The following CAST variants were observed in gnomAD, a reference collection of about 807,000 sequenced individuals.
CAST encodes calpastatin.
In CAST, 76 loss-of-function variants were observed where a neutral mutation model predicts 119.6. That is an observed-to-expected ratio of 0.64 (90% CI 0.53 to 0.77). The LOEUF (loss-of-function observed/expected upper bound fraction) is 0.77, where lower values mean the gene tolerates loss of function less well. CAST is among the 30% of genes least tolerant of loss of function. CAST has a pLI of 0.00. For synonymous variants in CAST, 319 were observed against 331.6 expected (o/e 0.96, Z 0.41); for missense variants, 953 against 946.5 (o/e 1.01, Z -0.09).
At chr5:96,672,128 T>A (rs1750147981) in intron 1 of CAST, among the ~76,000 whole-genome samples, 1 of 152,308 alleles carries the variant, frequency 6.6e-6, no homozygotes, top group East Asian at 1.9e-4. Flanking sequence ...TTTAAGGAGA[T>A]GCATGGTGAA....
At chr5:96,703,031 C>A (rs1051440560) in intron 3 of CAST, 1 of 758,914 alleles carries the variant, frequency 1.3e-6, no homozygotes, top group Non-Finnish European at 1.6e-6. Context: ...GCGGACTCCC[C>A]AGGCTCGGGA....
At chr5:96,144,763 T>C in the CAST span, among the ~76,000 whole-genome samples, 2 of 151,674 alleles carry the variant, frequency 1.3e-5, no homozygotes, top group Non-Finnish European at 2.9e-5. Context: ...TGGGTTCAAG[T>C]GAATCCAGGT....
intron 3 of CAST, among the ~76,000 whole-genome samples, chr5:96,717,738 T>G (rs1422727497): frequency 6.6e-6 from 1 of 152,134 alleles, no homozygotes; most frequent in Non-Finnish European, 1.5e-5. Context: ...TAAGGACACC[T>G]TCATGGTTAG....
intron 19 of CAST, among the ~76,000 whole-genome samples, chr5:96,750,344 G>A (rs919223229): frequency 7.2e-5 from 11 of 152,072 alleles, no homozygotes; most frequent in African/African-American, 2.7e-4. Context: ...TACACATGTG[G>A]AAACTCAGTT....
intron 1 of CAST, among the ~76,000 whole-genome samples, chr5:96,616,729 GCTCT>G (rs145351553): frequency 7.9e-5 from 11 of 138,494 alleles, no homozygotes; most frequent in South Asian, 2.4e-4. Context: ...GCGCTCGCTC[GCTCT>G]CTCTCTCTCT....
chr5:96,164,356 G>C, the CAST span, among the ~76,000 whole-genome samples: 1 of 152,174 alleles, frequency 6.6e-6, no homozygotes, highest in African/African-American at 2.4e-5. Context: ...TGAAATCAAA[G>C]GGACAGAGCT....
chr5:96,445,923 C>T, the CAST span, among the ~76,000 whole-genome samples: 2 of 152,190 alleles, frequency 1.3e-5, no homozygotes, highest in Non-Finnish European at 2.9e-5. Flanking sequence ...TCTGGGCTCA[C>T]TGCAGCCTCG....
chr5:96,474,810 T>C, the CAST span, among the ~76,000 whole-genome samples: 1 of 152,136 alleles, frequency 6.6e-6, no homozygotes, highest in Admixed American at 6.6e-5. Context: ...AGATACCGTC[T>C]TGGATATCTC....
the CAST span, among the ~76,000 whole-genome samples, chr5:96,456,801 G>A: frequency 6.6e-6 from 1 of 152,164 alleles, no homozygotes; most frequent in African/African-American, 2.4e-5. Flanking sequence ...TTGTGGGAGG[G>A]ACCAGGTGGA....
the CAST span, among the ~76,000 whole-genome samples, chr5:96,473,016 C>T: frequency 1.7e-4 from 26 of 152,198 alleles, no homozygotes; most frequent in African/African-American, 6.3e-4. Flanking sequence ...GCCACATGGC[C>T]TTCCCTGTAT....
At chr5:96,243,462 T>A in the CAST span, among the ~76,000 whole-genome samples, 28 of 150,990 alleles carry the variant, frequency 1.9e-4, no homozygotes, top group African/African-American at 5.4e-4. Flanking sequence ...ATTTTTAAAA[T>A]TTTTTTTGGT....
Position 96,771,498 on chromosome 5 carries a change from G to T in CAST, c.2341-146G>T, listed in dbSNP as rs27689. 0.9 allele frequency: 511,216 copies of T among 565,546 alleles called. 232,426 individuals are homozygous for T. Among genetic ancestry groups the T allele is most frequent in the Admixed American group, 0.94 (29,454 of 31,208 alleles). The allele number at this position is 565,546 out of a possible 1,614,324, so 35.0% of individuals were successfully genotyped here. A position where few individuals can be genotyped will look rare whatever the true frequency, so the allele number is the denominator to read the frequency against. On this transcript the variant is annotated intron_variant, in intron 30 of 31. Coordinates refer to ENST00000675179, the MANE Select transcript of CAST (RefSeq NM_001750.7). ...TTGAGGAGGAAGAACTCACAATATT[G>T]TGGCCAGATGAAGAAGAGAAACTGA... is the stretch of plus-strand genomic sequence containing the variant.
chr5:96,223,037 C>G, the CAST span, among the ~76,000 whole-genome samples: 4 of 152,088 alleles, frequency 2.6e-5, no homozygotes, highest in South Asian at 8.3e-4. Flanking sequence ...TGTTCTCACT[C>G]ATATCACTCA....
the CAST span, among the ~76,000 whole-genome samples, chr5:96,266,667 A>G: frequency 6.6e-6 from 1 of 152,250 alleles, no homozygotes; most frequent in Non-Finnish European, 1.5e-5. Context: ...CAACAGGTAA[A>G]TTACAAAGAA....
the CAST span, among the ~76,000 whole-genome samples, chr5:96,509,046 A>G: frequency 1.3e-5 from 2 of 152,246 alleles, no homozygotes; most frequent in East Asian, 3.8e-4. Context: ...CAGGTAAGTG[A>G]TATCATTGTC....
At chr5:96,168,217 C>A in the CAST span, among the ~76,000 whole-genome samples, 6 of 152,252 alleles carry the variant, frequency 3.9e-5, no homozygotes, top group African/African-American at 7.2e-5. Flanking sequence ...GAAGTTGGAA[C>A]GCTAGCTGCT....
the CAST span, among the ~76,000 whole-genome samples, chr5:95,963,543 A>G: frequency 6.6e-6 from 1 of 152,230 alleles, no homozygotes; most frequent in Non-Finnish European, 1.5e-5. Context: ...AAATTCATGT[A>G]GTAGAGATAT....
At chr5:96,674,597 G>A (rs1750478018) in intron 1 of CAST, among the ~76,000 whole-genome samples, 1 of 152,030 alleles carries the variant, frequency 6.6e-6, no homozygotes, top group South Asian at 2.1e-4. Context: ...TTTCAGTAAA[G>A]TTATGGCTTA....
rs529998066 is a variant in CAST, at chr5:96,595,657, G to T, written c.60+65777G>T. ...GTTGGATGACACAGAACCTGAAATG[G>T]ATAGGGAGAATAAAGGAGAAGGCCA... is the stretch of plus-strand genomic sequence containing the variant. On this transcript the variant is annotated intron_variant, in intron 1 of 11. Coordinates refer to the CAST transcript ENST00000505143. 3.3e-5 allele frequency among the ~76,000 whole-genome samples: 5 copies of T among 152,324 alleles called. No individual in the cohort carries two copies. In the East Asian group the frequency reaches 9.6e-4, roughly 29 times the overall value.
Sources: gnomAD v4.1 joint callset for allele counts (sites outside exome capture counted in the v4.1 genomes callset) on GRCh38, gnomAD v4.1.1 for gene constraint, MANE v1.5 for transcripts, NCBI Gene and HGNC (gene_info 2026-07-23, HGNC 2026-07-21) for gene names.